MSI2: variants seen among roughly 807,000 people sequenced by gnomAD.
The protein encoded by MSI2 is RNA-binding protein Musashi homolog 2.
In MSI2, 17 loss-of-function variants were observed where a neutral mutation model predicts 45.6. The ratio of observed to expected loss-of-function variants is 0.37; its 90% CI spans 0.26 to 0.56. The LOEUF is 0.56. Among genes scored for constraint, MSI2 ranks in the 20% least tolerant of loss-of-function variants. The pLI, the probability that MSI2 is intolerant of heterozygous loss-of-function variation, is 0.77. For synonymous variants in MSI2, 156 were observed against 158.2 expected (o/e 0.99, Z 0.11); for missense variants, 293 against 444.2 (o/e 0.66, Z 3.06).
intron 6 of MSI2, among the ~76,000 whole-genome samples, chr17:57,401,755 G>A (rs997156143): frequency 6.6e-6 from 1 of 152,178 alleles, no homozygotes; most frequent in Non-Finnish European, 1.5e-5. Context: ...GGAGCTGGTG[G>A]TGACGGCAGC....
chr17:57,662,861 T>TGTCA (rs1421799949), intron 11 of MSI2, among the ~76,000 whole-genome samples: 4 of 152,162 alleles, frequency 2.6e-5, no homozygotes, highest in Admixed American at 6.5e-5. Context: ...CTCAGACCAA[T>TGTCA]GTCAGACAAA....
chr17:57,677,903 C>T (rs1232022344), intron 13 of MSI2, among the ~76,000 whole-genome samples: 1 of 152,098 alleles, frequency 6.6e-6, no homozygotes, highest in Non-Finnish European at 1.5e-5. Flanking sequence ...AGGGGTTGTC[C>T]TTGTGAAAGC....
At chr17:57,435,725 C>A (rs777749435) in intron 6 of MSI2, among the ~76,000 whole-genome samples, 4 of 152,244 alleles carry the variant, frequency 2.6e-5, no homozygotes, top group Non-Finnish European at 2.9e-5. Context: ...TGCTGTCTCA[C>A]GTAAGTCTCC....
intron 5 of MSI2, among the ~76,000 whole-genome samples, chr17:57,370,745 T>C (rs1215573444): frequency 1.3e-5 from 2 of 152,198 alleles, no homozygotes; most frequent in Non-Finnish European, 2.9e-5. Flanking sequence ...GGGAAAGTTA[T>C]GGACCCTTTA....
At position 57,407,333 on chromosome 17, in the gene MSI2, G is replaced by C. The variant is rs1250986675; in HGVS notation, c.405+5862G>C. Among the ~76,000 whole-genome samples, 1 of 152,086 alleles carries C rather than the reference G, an allele frequency of 6.6e-6. No homozygotes were observed. The highest frequency in any genetic ancestry group is 1.5e-5 in the Non-Finnish European group (1 of 68,004). ...TGGCCCCCACTCAGACACCCCTTTT[G>C]ATACTGTATGTGTGAGGAGAGTCAT... On this transcript the variant is annotated intron_variant, in intron 6 of 13. Coordinates refer to ENST00000284073, the MANE Select transcript of MSI2 (RefSeq NM_138962.4). The surrounding 1 kb of genome is among the most constrained non-coding windows in gnomAD (Gnocchi z 4.1).
At chr17:57,639,223 G>A (rs1056129661) in intron 10 of MSI2, among the ~76,000 whole-genome samples, 10 of 152,170 alleles carry the variant, frequency 6.6e-5, no homozygotes, top group African/African-American at 2.4e-4. Flanking sequence ...ACCATAGCGG[G>A]CAACATCCGA....
chr17:57,291,966 T>C (rs1409561911), intron 5 of MSI2, among the ~76,000 whole-genome samples: 1 of 151,970 alleles, frequency 6.6e-6, no homozygotes, highest in African/African-American at 2.4e-5. Context: ...AACTCACTGA[T>C]TGAGCCTTTA....
intron 6 of MSI2, among the ~76,000 whole-genome samples, chr17:57,405,822 G>GT (rs1238411615): frequency 3.9e-5 from 6 of 152,182 alleles, no homozygotes; most frequent in Non-Finnish European, 1.5e-5. Context: ...GGAGTTACTG[G>GT]TGCTAAGCTT....
the MSI2 span, among the ~76,000 whole-genome samples, chr17:57,696,228 G>A: frequency 8.5e-5 from 13 of 152,260 alleles, no homozygotes; most frequent in African/African-American, 2.4e-4. Flanking sequence ...CCCTCCTCCC[G>A]CCATGTTGGG....
At chr17:57,648,692 C>T (rs1044545602) in intron 10 of MSI2, among the ~76,000 whole-genome samples, 7 of 152,140 alleles carry the variant, frequency 4.6e-5, no homozygotes, top group African/African-American at 7.2e-5. Flanking sequence ...GGAGCTCTGC[C>T]GCAGCTTTGC....
chr17:57,257,169 C>T (rs745669313), intron 2 of MSI2, 31 bp downstream of exon 2: 8 of 1,484,320 alleles, frequency 5.4e-6, no homozygotes, highest in Non-Finnish European at 6.4e-6. Context: ...CGCCTGGGTC[C>T]CCCCCTTCTT....
At chr17:57,315,445 T>C (rs1912780463) in intron 5 of MSI2, among the ~76,000 whole-genome samples, 1 of 151,926 alleles carries the variant, frequency 6.6e-6, no homozygotes, top group African/African-American at 2.4e-5. Context: ...GGAGCCTGTG[T>C]TGGGGGAGGC....
intron 6 of MSI2, among the ~76,000 whole-genome samples, chr17:57,425,375 TC>T (rs2084471884): frequency 6.6e-6 from 1 of 152,196 alleles, no homozygotes; most frequent in Admixed American, 6.5e-5. Flanking sequence ...AACTAACAAA[TC>T]CTCTCATCTC....
At chr17:57,532,533 G>A (rs997599769) in intron 7 of MSI2, among the ~76,000 whole-genome samples, 1 of 152,158 alleles carries the variant, frequency 6.6e-6, no homozygotes, top group African/African-American at 2.4e-5. Context: ...AAAAATTTTT[G>A]TTTTTCAAAA....
At chr17:57,423,509 C>T (rs1249594067) in intron 6 of MSI2, among the ~76,000 whole-genome samples, 1 of 152,180 alleles carries the variant, frequency 6.6e-6, no homozygotes. Context: ...TTGGCCAGCG[C>T]CTGCTCATGC....
Position 57,344,639 on chromosome 17 carries a change from T to A in MSI2, c.313-56740T>A, listed in dbSNP as rs187493001. 2.1e-3 allele frequency among the ~76,000 whole-genome samples: 325 copies of A among 152,344 alleles called. 4 individuals carry two copies. Among genetic ancestry groups the A allele is most frequent in the African/African-American group, 7.7e-3 (319 of 41,572 alleles). ...TTTCAGTGGAGAGATATAGGAAACA[T>A]GAGTGTACACATATACACACAGATA... is the stretch of plus-strand genomic sequence containing the variant. On this transcript the variant is annotated intron_variant, in intron 5 of 13. Coordinates refer to ENST00000284073, the MANE Select transcript of MSI2 (RefSeq NM_138962.4).
chr17:57,687,336 C>T (rs1913906799), downstream of MSI2, among the ~76,000 whole-genome samples: 3 of 151,272 alleles, frequency 2.0e-5, no homozygotes, highest in Admixed American at 1.3e-4. Flanking sequence ...AAGCTGAAAG[C>T]AATAGAATAG....
intron 6 of MSI2, among the ~76,000 whole-genome samples, chr17:57,441,026 G>A (rs987130563): frequency 1.3e-5 from 2 of 152,194 alleles, no homozygotes; most frequent in African/African-American, 4.8e-5. Flanking sequence ...GCTCTCCCAG[G>A]GCTGCAGGGA....
intron 5 of MSI2, among the ~76,000 whole-genome samples, chr17:57,313,886 C>T (rs539787295): frequency 1.3e-5 from 2 of 152,276 alleles, no homozygotes; most frequent in South Asian, 4.2e-4. Context: ...TGGGTCCGGG[C>T]AGTGTCCCAG....
Sources: allele counts gnomAD v4.1 joint callset (sites outside exome capture counted in the v4.1 genomes callset), GRCh38; gene constraint gnomAD v4.1.1; non-coding constraint Gnocchi (gnomAD v3.1); transcripts MANE v1.5; gene names NCBI Gene and HGNC (gene_info 2026-07-23, HGNC 2026-07-21).